ZYG11B: variants seen among roughly 807,000 people sequenced by gnomAD.
The protein encoded by ZYG11B is protein zyg-11 homolog B.
A neutral mutation model predicts 82.4 loss-of-function variants in ZYG11B; 36 were observed. The ratio of observed to expected loss-of-function variants is 0.44; its 90% CI spans 0.33 to 0.58. The LOEUF is 0.58. Among genes scored for constraint, ZYG11B ranks in the 20% least tolerant of loss-of-function variants. The pLI is 0.02. For synonymous variants in ZYG11B, 303 were observed against 312.8 expected (o/e 0.97, Z 0.33); for missense variants, 552 against 895.6 (o/e 0.62, Z 4.90).
chr1:52,770,819 C>T (rs1410224833), intron 2 of ZYG11B, among the ~76,000 whole-genome samples: 2 of 152,152 alleles, frequency 1.3e-5, no homozygotes, highest in Admixed American at 1.3e-4. Context: ...CTTGCTAGCC[C>T]TGTGATCTTG....
At position 52,735,780 on chromosome 1, in the gene ZYG11B, T is replaced by C. The variant is rs187073417; in HGVS notation, c.30+9097T>C. Among the ~76,000 whole-genome samples the C allele has an allele frequency of 4.0e-3, 615 of 152,184 alleles. 5 individuals are homozygous for C. The highest frequency in any genetic ancestry group is 0.014 in the African/African-American group (565 of 41,538). ...CTCGAACTCCTGACCTCAAGTGATC[T>C]GCCTGCCTTGGTCTTCCTACTCAGA... On this transcript the variant is annotated intron_variant, in intron 1 of 13. Coordinates refer to ENST00000294353, the MANE Select transcript of ZYG11B (RefSeq NM_024646.3).
At chr1:52,745,368 C>CTTT (rs1296897000) in intron 1 of ZYG11B, among the ~76,000 whole-genome samples, 1 of 152,082 alleles carries the variant, frequency 6.6e-6, no homozygotes, top group Non-Finnish European at 1.5e-5. Context: ...ATTGAGATTC[C>CTTT]TTTTTTGCCT....
At chr1:52,785,138 G>A in intron 5 of ZYG11B, 85 bp downstream of exon 5, 2 of 1,422,192 alleles carry the variant, frequency 1.4e-6, no homozygotes, top group Non-Finnish European at 1.9e-6. Flanking sequence ...GACCAAGGCT[G>A]GAAATTCAAA....
chr1:52,738,203 A>G (rs1447937869), intron 1 of ZYG11B, among the ~76,000 whole-genome samples: 2 of 152,056 alleles, frequency 1.3e-5, no homozygotes, highest in Non-Finnish European at 2.9e-5. Flanking sequence ...ACTTTTATTA[A>G]CTTTTTCTTT....
At chr1:52,790,105 A>G in intron 6 of ZYG11B, 38 bp downstream of exon 6, 1 of 1,432,284 alleles carries the variant, frequency 7.0e-7, no homozygotes. Flanking sequence ...GGGGCAAAAC[A>G]GAATGTTAGA....
chr1:52,792,923 C>T, intron 6 of ZYG11B, among the ~76,000 whole-genome samples: 1 of 152,156 alleles, frequency 6.6e-6, no homozygotes, highest in Non-Finnish European at 1.5e-5. Flanking sequence ...TCACTGCAAC[C>T]TCTGCTTCCC....
At position 52,776,229 on chromosome 1, in the gene ZYG11B, A is replaced by AAAAAAAAAATATATATATATATATAT; in HGVS notation, c.952-3623_952-3622insAAAAAAAATATATATATATATATATA. ...AGCAAAACTCTGTCTTAAAAAAAAA[A>AAAAAAAAAATATATATATATATATAT]ATATATATATATATATGCAATAAAG... On this transcript the variant is annotated intron_variant, in intron 3 of 13. Transcript: ENST00000294353. Among the ~76,000 whole-genome samples, 17 of 23,528 alleles carry AAAAAAAAAATATATATATATATATAT rather than the reference A, an allele frequency of 7.2e-4. 1 individual carries two copies. Among genetic ancestry groups the AAAAAAAAAATATATATATATATATAT allele is most frequent in the African/African-American group, 1.1e-3 (12 of 10,536 alleles). The allele number at this position is 23,528 out of a possible 152,430, so 15.4% of individuals were successfully genotyped here. A position where few individuals can be genotyped will look rare whatever the true frequency, so the allele number is the denominator to read the frequency against.
chr1:52,779,207 A>C (rs7534876), intron 3 of ZYG11B, among the ~76,000 whole-genome samples: 2,674 of 152,284 alleles, frequency 0.018, 91 homozygotes, highest in African/African-American at 0.06. Context: ...AAGGTCATAC[A>C]GTTATAACAT....
At chr1:52,761,559 C>T (rs1418529842) in intron 2 of ZYG11B, among the ~76,000 whole-genome samples, 1 of 152,192 alleles carries the variant, frequency 6.6e-6, no homozygotes, top group African/African-American at 2.4e-5. Flanking sequence ...TATGTATGTA[C>T]ACCACATGTT....
At chr1:52,752,174 A>T (rs1644531933) in intron 1 of ZYG11B, among the ~76,000 whole-genome samples, 1 of 152,164 alleles carries the variant, frequency 6.6e-6, no homozygotes, top group Admixed American at 6.5e-5. Context: ...TTGGCTACAA[A>T]TTGGAGGTTC....
intron 1 of ZYG11B, among the ~76,000 whole-genome samples, chr1:52,755,841 C>G (rs1417894092): frequency 2.0e-5 from 3 of 152,098 alleles, no homozygotes; most frequent in Non-Finnish European, 4.4e-5. Context: ...ACTCTATCAC[C>G]CAGGCTGGAG....
intron 3 of ZYG11B, among the ~76,000 whole-genome samples, chr1:52,773,862 C>G (rs979178093): frequency 6.6e-6 from 1 of 150,918 alleles, no homozygotes; most frequent in Non-Finnish European, 1.5e-5. Flanking sequence ...AGGCTAGTCT[C>G]GAACTCCTGA....
chr1:52,769,077 TTG>T (rs1443554497), intron 2 of ZYG11B, among the ~76,000 whole-genome samples: 1 of 152,222 alleles, frequency 6.6e-6, no homozygotes, highest in Non-Finnish European at 1.5e-5. Flanking sequence ...TTATGGCTGT[TTG>T]TGTCTTTTTT....
intron 2 of ZYG11B, among the ~76,000 whole-genome samples, chr1:52,760,217 C>A (rs1465641704): frequency 6.6e-6 from 1 of 152,136 alleles, no homozygotes; most frequent in African/African-American, 2.4e-5. Context: ...CCAAGGCAGG[C>A]GATCCGCCTG....
chr1:52,818,761 G>C (rs1645256064), intron 13 of ZYG11B, among the ~76,000 whole-genome samples: 1 of 151,436 alleles, frequency 6.6e-6, no homozygotes, highest in African/African-American at 2.4e-5. Flanking sequence ...CCTTATAGCA[G>C]AAGTAGTAAC....
chr1:52,798,515 G>A (rs1164271139), intron 8 of ZYG11B, among the ~76,000 whole-genome samples: 3 of 152,128 alleles, frequency 2.0e-5, no homozygotes, highest in Admixed American at 6.6e-5. Flanking sequence ...AGAGGCTGAG[G>A]TGGAAGAATT....
At chr1:52,796,639 T>G in intron 7 of ZYG11B, 95 bp from the exon 8 acceptor site, 1 of 1,117,624 alleles carries the variant, frequency 8.9e-7, no homozygotes, top group Non-Finnish European at 1.3e-6. Context: ...TGATCAGAGA[T>G]TTTAGTCTCA....
chr1:52,773,241 A>AG (rs1204661878), intron 3 of ZYG11B, among the ~76,000 whole-genome samples: 1 of 151,964 alleles, frequency 6.6e-6, no homozygotes, highest in African/African-American at 2.4e-5. Context: ...TGGGAGGCAG[A>AG]GGTGGGCAGG....
Position 52,790,430 on chromosome 1 carries a change from A to C in ZYG11B, c.1334+363A>C, listed in dbSNP as rs1360663636. Among the ~76,000 whole-genome samples the C allele has an allele frequency of 4.3e-4, 65 of 152,228 alleles. 1 individual carries two copies. The highest frequency in any genetic ancestry group is 1.0e-3 in the Admixed American group (16 of 15,274). ...TGGCTTTGTGTCTAATAACTGCAAG[A>C]TTAGTAAGATGCAGGTTTGGCCAGG... On this transcript the variant is annotated intron_variant, in intron 6 of 13. Transcript: ENST00000294353.
Sources: allele counts gnomAD v4.1 joint callset (sites outside exome capture counted in the v4.1 genomes callset), GRCh38; gene constraint gnomAD v4.1.1; transcripts MANE v1.5; gene names NCBI Gene and HGNC (gene_info 2026-07-23, HGNC 2026-07-21).